SCG3: variants seen among roughly 807,000 people sequenced by gnomAD.
SCG3 encodes secretogranin-3.
A neutral mutation model predicts 56.2 loss-of-function variants in SCG3; 38 were observed. The observed-to-expected ratio is 0.68, with a 90% confidence interval of 0.52 to 0.89. SCG3 has a LOEUF of 0.89. Among genes scored for constraint, SCG3 ranks in the 40% least tolerant of loss-of-function variants. SCG3 has a pLI of 0.00. For missense variants in SCG3, 524 were observed against 540.7 expected, an observed-to-expected ratio of 0.97 and a Z score of 0.31; for synonymous variants, 176 against 184.2, an observed-to-expected ratio of 0.96 and a Z score of 0.36.
intron 10 of SCG3, among the ~76,000 whole-genome samples, chr15:51,707,105 GA>G (rs1300811895): frequency 1.3e-5 from 2 of 152,024 alleles, no homozygotes; most frequent in Non-Finnish European, 2.9e-5. Context: ...TCTGTTCTGT[GA>G]GTCACTGAAA....
At chr15:51,715,318 T>C (rs2055446773) in intron 11 of SCG3, 2 of 152,214 alleles carry the variant, frequency 1.3e-5, no homozygotes, top group South Asian at 4.1e-4. Context: ...TGCTCTCATA[T>C]GCGCTCGGCT....
intron 8 of SCG3, among the ~76,000 whole-genome samples, chr15:51,697,132 CTG>C (rs3078107): frequency 1.9e-3 from 282 of 145,680 alleles, no homozygotes; most frequent in East Asian, 4.9e-3. Context: ...AGATGTTATT[CTG>C]TGTGTGTGTG....
intron 10 of SCG3, among the ~76,000 whole-genome samples, chr15:51,710,129 A>T (rs2055411273): frequency 6.6e-6 from 1 of 151,910 alleles, no homozygotes; most frequent in South Asian, 2.1e-4. Flanking sequence ...GTACAGAAAG[A>T]TTTCATCCAT....
chr15:51,715,012 C>T (rs1427369911), intron 11 of SCG3, among the ~76,000 whole-genome samples: 3 of 152,200 alleles, frequency 2.0e-5, no homozygotes, highest in South Asian at 2.1e-4. Flanking sequence ...CACTGTAGTA[C>T]ACTGTGTGCC....
chr15:51,712,650 T>C (rs999824489), intron 10 of SCG3, among the ~76,000 whole-genome samples: 5 of 152,162 alleles, frequency 3.3e-5, no homozygotes, highest in African/African-American at 7.2e-5. Context: ...CAGACATCAG[T>C]ACAGGTAAAG....
Position 51,699,373 on chromosome 15 carries a change from C to T in SCG3, c.1040C>T (p.Ala347Val). Residue 347 changes from alanine to valine, a missense_variant, in exon 9 of 12, where the codon GCT (alanine) becomes GTT (valine). Ala to Val is a moderately conservative substitution (Grantham distance 64, BLOSUM62 0). Transcript: ENST00000220478. ...ACCAAAAACAAGCTAGAAAAAAATG[C>T]TACTGACAATATAAGCAAGCTTTTC... ...LQTKNKLEKN[A>V]TDNISKLFPA... The T allele has an allele frequency of 2.5e-6, 4 of 1,607,870 alleles. No individual in the cohort carries two copies. Among genetic ancestry groups the T allele is most frequent in the South Asian group, 1.1e-5 (1 of 89,084 alleles).
chr15:51,682,603 A>G (rs2055201970), intron 2 of SCG3, 34 bp downstream of exon 2: 2 of 1,177,362 alleles, frequency 1.7e-6, no homozygotes, highest in Middle Eastern at 2.1e-4. Flanking sequence ...ATGCTATTTC[A>G]TTTTGATTTA....
At chr15:51,698,304 C>A (rs1426737264) in intron 8 of SCG3, among the ~76,000 whole-genome samples, 1 of 152,062 alleles carries the variant, frequency 6.6e-6, no homozygotes, top group East Asian at 1.9e-4. Context: ...TAGCTGAGTA[C>A]AAAGAGTGTG....
At chr15:51,701,293 G>T (rs2055338257) in intron 10 of SCG3, 49 bp downstream of exon 10, 2 of 1,525,900 alleles carry the variant, frequency 1.3e-6, no homozygotes, top group Non-Finnish European at 1.8e-6. Context: ...GAAAGCAAAA[G>T]CTTTCACCAC....
At chr15:51,699,995 A>G (rs1372345466) in intron 9 of SCG3, among the ~76,000 whole-genome samples, 1 of 152,218 alleles carries the variant, frequency 6.6e-6, no homozygotes, top group African/African-American at 2.4e-5. Flanking sequence ...AAGTTTGCAA[A>G]TGGCAGATTC....
intron 10 of SCG3, among the ~76,000 whole-genome samples, chr15:51,711,656 CT>C (rs1480208302): frequency 1.3e-5 from 2 of 152,114 alleles, no homozygotes; most frequent in African/African-American, 2.4e-5. Context: ...ATTTATGTAT[CT>C]GTTTATTAGT....
intron 11 of SCG3, among the ~76,000 whole-genome samples, chr15:51,713,939 G>A (rs1380286934): frequency 6.6e-6 from 1 of 152,184 alleles, no homozygotes; most frequent in Non-Finnish European, 1.5e-5. Flanking sequence ...GTGATGTCAT[G>A]GATAGGTGTG....
intron 10 of SCG3, among the ~76,000 whole-genome samples, chr15:51,712,100 A>G (rs914552212): frequency 3.3e-5 from 5 of 152,210 alleles, no homozygotes; most frequent in Non-Finnish European, 1.5e-5. Flanking sequence ...CAGTGTCTTC[A>G]TCTGTAAAAT....
At chr15:51,716,998 G>A (rs1434538914) in intron 11 of SCG3, among the ~76,000 whole-genome samples, 2 of 152,174 alleles carry the variant, frequency 1.3e-5, no homozygotes, top group African/African-American at 4.8e-5. Flanking sequence ...GGCCAAGGTG[G>A]GAGGATCACT....
chr15:51,709,926 C>T (rs1372142530), intron 10 of SCG3, among the ~76,000 whole-genome samples: 4 of 125,080 alleles, frequency 3.2e-5, no homozygotes, highest in Middle Eastern at 4.7e-3. Flanking sequence ...TTAGTAGAGA[C>T]GGGGTTTCAC....
intron 2 of SCG3, 28 bp downstream of exon 2, chr15:51,682,597 T>C (rs751808851): frequency 9.7e-6 from 12 of 1,237,990 alleles, no homozygotes; most frequent in Middle Eastern, 2.0e-4. Flanking sequence ...TTATGAATGC[T>C]ATTTCATTTT....
intron 9 of SCG3, among the ~76,000 whole-genome samples, chr15:51,699,729 C>T (rs1426256183): frequency 6.6e-6 from 1 of 152,134 alleles, no homozygotes; most frequent in South Asian, 2.1e-4. Flanking sequence ...TATCTTCTCT[C>T]CCTAGATAAT....
intron 11 of SCG3, among the ~76,000 whole-genome samples, chr15:51,718,555 C>A (rs183035405): frequency 1.5e-3 from 234 of 152,158 alleles, no homozygotes; most frequent in Non-Finnish European, 3.0e-3. Context: ...TTTCTCTTCT[C>A]CTCACCAACT....
intron 10 of SCG3, among the ~76,000 whole-genome samples, chr15:51,712,603 G>T (rs1411333184): frequency 2.0e-5 from 3 of 152,204 alleles, no homozygotes; most frequent in Admixed American, 6.5e-5. Flanking sequence ...CTGAGCCCCA[G>T]ATTCCTCATC....
Sources: allele counts gnomAD v4.1 joint callset (sites outside exome capture counted in the v4.1 genomes callset), GRCh38; gene constraint gnomAD v4.1.1; transcripts MANE v1.5; gene names NCBI Gene and HGNC (gene_info 2026-07-23, HGNC 2026-07-21).